The following PDGFRL variants were observed in gnomAD, a reference collection of about 807,000 sequenced individuals.
PDGFRL encodes the protein platelet-derived growth factor receptor-like protein.
In PDGFRL, 46 loss-of-function variants were observed where a neutral mutation model predicts 37.2. The observed-to-expected ratio is 1.24, with a 90% CI of 0.98 to 1.58. The LOEUF is 1.58. Ranked by LOEUF, PDGFRL falls within the 40% of genes most tolerant of loss-of-function variation. PDGFRL has a pLI of 0.00. For missense variants in PDGFRL, 692 were observed against 467.6 expected (o/e 1.48, Z -4.43); for synonymous variants, 251 against 184.3 (o/e 1.36, Z -2.93).
intron 2 of PDGFRL, among the ~76,000 whole-genome samples, chr8:17,614,153 AGATT>A (rs1460398203): frequency 5.3e-5 from 8 of 152,172 alleles, no homozygotes; most frequent in African/African-American, 1.4e-4. Flanking sequence ...CGTAATAGAT[AGATT>A]GATAGATGAT....
At chr8:17,592,337 G>T (rs922248689) in intron 2 of PDGFRL, among the ~76,000 whole-genome samples, 2 of 152,150 alleles carry the variant, frequency 1.3e-5, no homozygotes, top group African/African-American at 4.8e-5. Flanking sequence ...ACTGTCCCCT[G>T]TCTGAGGCGC....
chr8:17,641,808 A>G, intron 5 of PDGFRL, among the ~76,000 whole-genome samples: 1 of 150,690 alleles, frequency 6.6e-6, no homozygotes, highest in Non-Finnish European at 1.5e-5. Context: ...TCTCTGGGGA[A>G]TAGTGTTTTC....
rs1805172078 is a variant in PDGFRL at position 17,642,764 on chromosome 8, G to GA, written c.1092dup (p.Gln365ThrfsTer9). ...ATTTGCACTGCTCAGAATCTTCAAG[G>GA]ACAGACCACAGTAGCTACCACTGTT... On this transcript the variant is annotated frameshift_variant, in exon 6 of 6. Coordinates refer to ENST00000251630, the MANE Select transcript of PDGFRL (RefSeq NM_001372073.1). LOFTEE classifies it high-confidence loss of function. 3 of 1,611,476 alleles carry GA rather than the reference G, an allele frequency of 1.9e-6. No homozygotes were observed. The highest frequency in any genetic ancestry group is 1.7e-6 in the Non-Finnish European group (2 of 1,177,734).
chr8:17,603,960 C>T (rs1052382348), intron 2 of PDGFRL, among the ~76,000 whole-genome samples: 2 of 151,668 alleles, frequency 1.3e-5, no homozygotes, highest in Non-Finnish European at 2.9e-5. Context: ...AAACTTGGAG[C>T]ATGAAGGGCA....
At chr8:17,629,910 C>T (rs1359561631) in intron 4 of PDGFRL, among the ~76,000 whole-genome samples, 1 of 152,166 alleles carries the variant, frequency 6.6e-6, no homozygotes, top group African/African-American at 2.4e-5. Flanking sequence ...TCTGCCCTCC[C>T]CACCCATGAG....
At chr8:17,579,676 G>T (rs1244483972) in intron 1 of PDGFRL, among the ~76,000 whole-genome samples, 1 of 151,758 alleles carries the variant, frequency 6.6e-6, no homozygotes, top group Non-Finnish European at 1.5e-5. Context: ...ACCACAACTA[G>T]CCAAAGACAG....
intron 2 of PDGFRL, among the ~76,000 whole-genome samples, chr8:17,592,346 G>A (rs765324189): frequency 1.1e-4 from 17 of 152,112 alleles, no homozygotes; most frequent in Non-Finnish European, 1.9e-4. Context: ...TGTCTGAGGC[G>A]CTCTTCTCTC....
At chr8:17,615,858 A>G (rs1009015828) in intron 2 of PDGFRL, among the ~76,000 whole-genome samples, 1 of 152,246 alleles carries the variant, frequency 6.6e-6, no homozygotes, top group Non-Finnish European at 1.5e-5. Context: ...GTAGTGAGCT[A>G]TGATTGCACC....
At chr8:17,590,189 C>A (rs182544817) in intron 2 of PDGFRL, among the ~76,000 whole-genome samples, 274 of 128,624 alleles carry the variant, frequency 2.1e-3, no homozygotes, top group African/African-American at 7.2e-3. Context: ...CGAGATAGTG[C>A]CAGTGCACTC....
Position 17,634,166 on chromosome 8 carries a change from G to A in PDGFRL, c.892G>A (p.Glu298Lys), listed in dbSNP as rs769048938. 4 of 1,613,550 alleles carry A rather than the reference G, an allele frequency of 2.5e-6. No homozygotes were observed. Among genetic ancestry groups the A allele is most frequent in the South Asian group, 1.1e-5 (1 of 91,042 alleles). ...DISVLCTVLG[E>K]PDVEVEFTWI... Reference sequence around the variant, plus strand: ...CAGTGTGCTCTGCACTGTCCTGGGGGAGCCCGATGTGGAGGTGGAGTTCAC... The same window carrying A: ...CAGTGTGCTCTGCACTGTCCTGGGGAAGCCCGATGTGGAGGTGGAGTTCAC... Residue 298 changes from glutamate to lysine, a missense_variant, in exon 5 of 6, where the codon GAG (glutamate) becomes AAG (lysine). Glu to Lys is a moderately conservative substitution (Grantham distance 56). Transcript: ENST00000251630.
chr8:17,642,205 C>T (rs997512578), intron 5 of PDGFRL, among the ~76,000 whole-genome samples: 5 of 152,128 alleles, frequency 3.3e-5, no homozygotes, highest in Non-Finnish European at 7.4e-5. Flanking sequence ...TTTCAGGCTA[C>T]TGACTTTCAG....
At chr8:17,594,688 G>A (rs564161233) in intron 2 of PDGFRL, among the ~76,000 whole-genome samples, 12 of 152,312 alleles carry the variant, frequency 7.9e-5, no homozygotes, top group Non-Finnish European at 1.3e-4. Context: ...TGGAGTAGCT[G>A]GGATTACAGG....
chr8:17,641,748 G>C (rs1486280718), intron 5 of PDGFRL, among the ~76,000 whole-genome samples: 1 of 152,118 alleles, frequency 6.6e-6, no homozygotes, highest in Non-Finnish European at 1.5e-5. Context: ...GACACATTAA[G>C]TAGCTGACAT....
chr8:17,581,467 G>A (rs372193534), intron 1 of PDGFRL, among the ~76,000 whole-genome samples: 12 of 152,140 alleles, frequency 7.9e-5, no homozygotes, highest in South Asian at 4.1e-4. Context: ...TCAAAGGTAG[G>A]TGCTATGGTT....
intron 2 of PDGFRL, 134 bp from the exon 3 acceptor site, chr8:17,620,917 A>G (rs981492365): frequency 6.9e-6 from 3 of 433,390 alleles, no homozygotes; most frequent in Non-Finnish European, 1.2e-5. Context: ...AGTCAAACAC[A>G]TTCTTATATT....
At chr8:17,600,429 G>C (rs139505978) in intron 2 of PDGFRL, among the ~76,000 whole-genome samples, 4 of 152,058 alleles carry the variant, frequency 2.6e-5, no homozygotes, top group Non-Finnish European at 4.4e-5. Context: ...GAATGCCCTC[G>C]ATTTGTCCTA....
chr8:17,617,725 C>T (rs1804557272), intron 2 of PDGFRL, among the ~76,000 whole-genome samples: 1 of 152,222 alleles, frequency 6.6e-6, no homozygotes, highest in Non-Finnish European at 1.5e-5. Flanking sequence ...CCCAAACCTA[C>T]TAAAGATACA....
chr8:17,586,781 C>T (rs373312458), intron 1 of PDGFRL, among the ~76,000 whole-genome samples: 2 of 152,200 alleles, frequency 1.3e-5, no homozygotes, highest in Non-Finnish European at 2.9e-5. Flanking sequence ...CCATATCATT[C>T]TCAATTTATA....
In PDGFRL at chr8:17,606,828, T is replaced by A. The variant is rs187734742; in HGVS notation, c.354-14223T>A. Among the ~76,000 whole-genome samples the A allele has an allele frequency of 1.3e-4, 20 of 152,142 alleles. No individual in the cohort carries two copies. In the East Asian group the frequency reaches 3.7e-3, roughly 28 times the overall value. On this transcript the variant is annotated intron_variant, in intron 2 of 5. Coordinates refer to ENST00000251630, the MANE Select transcript of PDGFRL (RefSeq NM_001372073.1). ...CTAAATATCGGTGAGCTATTTCTGT[T>A]CACCATACTGTACCCAAAGGAGGTA...
Sources: allele counts gnomAD v4.1 joint callset (sites outside exome capture counted in the v4.1 genomes callset), GRCh38; gene constraint gnomAD v4.1.1; transcripts MANE v1.5; gene names NCBI Gene and HGNC (gene_info 2026-07-23, HGNC 2026-07-21).